Variants in PCDHGA10 observed in about 807,000 individuals in gnomAD.
PCDHGA10 encodes protocadherin gamma-A10.
In PCDHGA10, 42 loss-of-function variants were observed where a neutral mutation model predicts 59.5. The observed-to-expected ratio is 0.71, with a 90% CI of 0.55 to 0.91. The LOEUF (loss-of-function observed/expected upper bound fraction) is 0.91. Among genes scored for constraint, PCDHGA10 ranks in the 40% least tolerant of loss-of-function variants. The pLI is 0.00. For missense variants in PCDHGA10, 1,111 were observed against 1,198.2 expected (o/e 0.93, Z 1.07); for synonymous variants, 511 against 517.2 (o/e 0.99, Z 0.16).
intron 1 of PCDHGA10, among the ~76,000 whole-genome samples, chr5:141,467,032 T>G (rs551565159): frequency 2.0e-5 from 3 of 152,164 alleles, no homozygotes; most frequent in Non-Finnish European, 2.9e-5. Flanking sequence ...GTTTTTGTTT[T>G]TTGTGTAATG....
chr5:141,446,578 GTGAT>G (rs2098507706), intron 1 of PCDHGA10, among the ~76,000 whole-genome samples: 1 of 152,064 alleles, frequency 6.6e-6, no homozygotes, highest in African/African-American at 2.4e-5. Context: ...CCAGGTTCAA[GTGAT>G]TCTTCTGCCT....
intron 1 of PCDHGA10, chr5:141,478,509 G>A: frequency 1.2e-6 from 2 of 1,611,878 alleles, no homozygotes; most frequent in South Asian, 1.1e-5. Flanking sequence ...GTGTTCTATA[G>A]GCAGGTGTTG....
chr5:141,469,354 A>G (rs1160934469), intron 1 of PCDHGA10, among the ~76,000 whole-genome samples: 1 of 152,128 alleles, frequency 6.6e-6, no homozygotes, highest in Non-Finnish European at 1.5e-5. Flanking sequence ...AGGTGGATGG[A>G]TCATGAGGTA....
intron 1 of PCDHGA10, among the ~76,000 whole-genome samples, chr5:141,452,253 T>G (rs2098736880): frequency 6.6e-6 from 1 of 152,166 alleles, no homozygotes; most frequent in Admixed American, 6.5e-5. Context: ...TTGCCATAAC[T>G]CTCTCATTTT....
rs151239937 is a variant in PCDHGA10, at chr5:141,485,980, G to A, written c.2437-8827G>A. 1.9e-6 allele frequency: 3 copies of A among 1,614,020 alleles called. No homozygotes were observed. The highest frequency in any genetic ancestry group is 2.5e-6 in the Non-Finnish European group (3 of 1,180,004). Reference sequence around the variant, plus strand: ...TCATCCAGCTCAATGCCTCAGACCCGGACCTGGGTCCCAGTGGTAACGTCA... The same window carrying A: ...TCATCCAGCTCAATGCCTCAGACCCAGACCTGGGTCCCAGTGGTAACGTCA... On this transcript the variant is annotated intron_variant, in intron 1 of 3. Coordinates refer to ENST00000398610, the MANE Select transcript of PCDHGA10 (RefSeq NM_018913.3). The surrounding 1 kb of genome is among the most constrained non-coding windows in gnomAD (Gnocchi z 5.7).
chr5:141,462,007 G>C (rs2099028604), intron 1 of PCDHGA10, among the ~76,000 whole-genome samples: 1 of 152,188 alleles, frequency 6.6e-6, no homozygotes, highest in South Asian at 2.1e-4. Context: ...ATTTTTAATA[G>C]AGACGGGGTT....
In PCDHGA10 at chr5:141,415,314, C is replaced by A. The variant is rs375384840; in HGVS notation, c.2139C>A (p.Ile713=). 6.2e-7 allele frequency: 1 copy of A among 1,614,238 alleles called. No individual in the cohort carries two copies. Among genetic ancestry groups the A allele is most frequent in the Non-Finnish European group, 8.5e-7 (1 of 1,180,046 alleles). The change falls in exon 1 of 4, where the codon ATC becomes ATA. Residue 713 remains isoleucine, a synonymous_variant. Transcript: ENST00000398610. ...AVSCVFLAFV[I]VLLAHRLRRW... is the part of the protein sequence containing the mutation. ...CCTGCGTCTTCCTGGCCTTCGTCATCGTGCTGCTGGCGCACAGGCTGCGGC... is the reference window on the plus strand; with the variant it reads ...CCTGCGTCTTCCTGGCCTTCGTCATAGTGCTGCTGGCGCACAGGCTGCGGC...
At chr5:141,481,229 A>T (rs989963485) in intron 1 of PCDHGA10, among the ~76,000 whole-genome samples, 1 of 152,212 alleles carries the variant, frequency 6.6e-6, no homozygotes, top group Non-Finnish European at 1.5e-5. Flanking sequence ...TCCCAGCCTT[A>T]AAGTATTACA....
At chr5:141,423,050 G>T (rs1434973750) in intron 1 of PCDHGA10, 2 of 1,614,068 alleles carry the variant, frequency 1.2e-6, no homozygotes, top group Admixed American at 1.7e-5. Context: ...CTGTCCTATC[G>T]CCTGCTTAAG....
Position 141,413,804 on chromosome 5 carries a change from C to G in PCDHGA10, c.629C>G (p.Ala210Gly). The G allele has an allele frequency of 6.2e-7, 1 of 1,613,194 alleles. No individual in the cohort carries two copies. The highest frequency in any genetic ancestry group is 8.5e-7 in the Non-Finnish European group (1 of 1,179,880). ...CACTCCCTAGATCGCGAGGAAGAGG[C>G]CATTCACCACCTGGTCCTCACCGCC... Reference protein sequence around the residue: ...LEHSLDREEEAIHHLVLTASD... With the variant: ...LEHSLDREEEGIHHLVLTASD... Residue 210 changes from alanine (A) to glycine (G), a missense_variant, in exon 1 of 4, where the codon GCC (alanine) becomes GGC (glycine). Ala to Gly is a moderately conservative substitution (Grantham distance 60). Transcript: ENST00000398610.
Position 141,432,076 on chromosome 5 carries a change from G to T in PCDHGA10, c.2436+16465G>T. ...CCCTATCCACGGAAACTCATATCTC[G>T]CTGAACGTGGCAGACACCAACGACA... On this transcript the variant is annotated intron_variant, in intron 1 of 3. Transcript: ENST00000398610. This position sits in a 1 kb window ranked among gnomAD's most constrained non-coding sequence, Gnocchi z 6.0. 1.2e-6 allele frequency: 2 copies of T among 1,614,160 alleles called. No homozygotes were observed. Among genetic ancestry groups the T allele is most frequent in the Non-Finnish European group, 1.7e-6 (2 of 1,180,024 alleles).
chr5:141,510,398 G>A (rs2099880972), intron 3 of PCDHGA10, among the ~76,000 whole-genome samples: 1 of 152,064 alleles, frequency 6.6e-6, no homozygotes, highest in African/African-American at 2.4e-5. Flanking sequence ...CTTGGCAAAG[G>A]CTAGGGGCAT....
At chr5:141,473,236 A>G (rs1314160781) in intron 1 of PCDHGA10, among the ~76,000 whole-genome samples, 1 of 152,200 alleles carries the variant, frequency 6.6e-6, no homozygotes, top group Non-Finnish European at 1.5e-5. Flanking sequence ...GGATCCACAC[A>G]AGTGAATACA....
Position 141,491,030 on chromosome 5 carries a change from C to T in PCDHGA10, c.2437-3777C>T. ...GTCACCAAGGTGACAGCCGTGGATG[C>T]TGATGCAGGCCACAATGCGTGGCTC... On this transcript the variant is annotated intron_variant, in intron 1 of 3. Transcript: ENST00000398610. The surrounding 1 kb of genome is among the most constrained non-coding windows in gnomAD (Gnocchi z 6.9). 6.2e-7 allele frequency: 1 copy of T among 1,614,148 alleles called. No individual in the cohort carries two copies. Among genetic ancestry groups the T allele is most frequent in the South Asian group, 1.1e-5 (1 of 91,088 alleles).
chr5:141,478,941 A>G (rs889484528), intron 1 of PCDHGA10: 2 of 589,470 alleles, frequency 3.4e-6, no homozygotes, highest in Non-Finnish European at 5.6e-6. Context: ...TTCTAGGAAT[A>G]CAAAAACTAC....
chr5:141,418,597 G>T, intron 1 of PCDHGA10: 7 of 1,614,052 alleles, frequency 4.3e-6, no homozygotes, highest in South Asian at 1.1e-5. Flanking sequence ...GCCAGGACGT[G>T]TACAGGGTTA....
chr5:141,449,475 C>T (rs1351574160), intron 1 of PCDHGA10, among the ~76,000 whole-genome samples: 8 of 150,696 alleles, frequency 5.3e-5, no homozygotes, highest in African/African-American at 1.9e-4. Flanking sequence ...GGCCTGGTAC[C>T]CCATGCCTAA....
chr5:141,419,358 C>A (rs569760413), intron 1 of PCDHGA10: 1 of 1,613,810 alleles, frequency 6.2e-7, no homozygotes, highest in South Asian at 1.1e-5. Flanking sequence ...GAGTCACGAA[C>A]GCTGTCGTCC....
rs2099668037 is a variant in PCDHGA10 at position 141,487,853 on chromosome 5, T to C, written c.2437-6954T>C. The C allele has an allele frequency of 1.0e-6, 1 of 984,708 alleles. No individual in the cohort carries two copies. The allele number at this position is 984,708 out of a possible 1,614,324, so 61.0% of individuals were successfully genotyped here. The stretch of plus-strand genomic sequence containing the variant: ...CCTATATCTGAGTAAGAAATGAAAG[T>C]AATTGGTGATCAAGAGCCAGGCTGT... On this transcript the variant is annotated intron_variant, in intron 1 of 3. Transcript: ENST00000398610. The surrounding 1 kb of genome is among the most constrained non-coding windows in gnomAD (Gnocchi z 5.0).
Sources: allele counts gnomAD v4.1 joint callset (sites outside exome capture counted in the v4.1 genomes callset), GRCh38; gene constraint gnomAD v4.1.1; non-coding constraint Gnocchi (gnomAD v3.1); transcripts MANE v1.5; gene names NCBI Gene and HGNC (gene_info 2026-07-23, HGNC 2026-07-21).